PALD1: variants seen among roughly 807,000 people sequenced by gnomAD.
PALD1 encodes the protein phosphatase domain containing paladin 1.
A neutral mutation model predicts 96.0 loss-of-function variants in PALD1; 57 were observed. The observed-to-expected ratio is 0.59, with a 90% CI of 0.48 to 0.74. The LOEUF is 0.74. PALD1 is among the 30% of genes least tolerant of loss of function. The pLI is 0.00. For missense variants in PALD1, 1,063 were observed against 1,143.7 expected (o/e 0.93, Z 1.02); for synonymous variants, 464 against 473.6 (o/e 0.98, Z 0.26).
At chr10:70,543,494 G>T (rs1847296291) in intron 17 of PALD1, among the ~76,000 whole-genome samples, 1 of 152,098 alleles carries the variant, frequency 6.6e-6, no homozygotes, top group African/African-American at 2.4e-5. Context: ...TTTATCCTAA[G>T]ACTTTTATAG....
chr10:70,508,814 T>TGTGC (rs1846450177), intron 1 of PALD1, among the ~76,000 whole-genome samples: 1 of 91,628 alleles, frequency 1.1e-5, no homozygotes, highest in South Asian at 3.2e-4. Context: ...TGTGTGTGTG[T>TGTGC]GTGTGCAGGC....
chr10:70,545,548 A>C (rs1847344862), intron 17 of PALD1, among the ~76,000 whole-genome samples: 2 of 151,960 alleles, frequency 1.3e-5, no homozygotes, highest in South Asian at 4.2e-4. Flanking sequence ...AGTAACCTAA[A>C]CAGGCTTCAG....
At chr10:70,493,767 G>A (rs939759053) in intron 1 of PALD1, among the ~76,000 whole-genome samples, 11 of 152,162 alleles carry the variant, frequency 7.2e-5, no homozygotes, top group African/African-American at 2.4e-4. Context: ...GATGCACGGC[G>A]AGCCATGTCC....
At position 70,539,458 on chromosome 10, in the gene PALD1, T is replaced by C; in HGVS notation, c.1726-122T>C. 9.4e-7 allele frequency: 1 copy of C among 1,067,974 alleles called. No individual in the cohort carries two copies. Among genetic ancestry groups the C allele is most frequent in the Non-Finnish European group, 1.3e-6 (1 of 760,642 alleles). 66.2% of individuals were successfully genotyped at this position (1,067,974 alleles called of 1,614,324 possible). On this transcript the variant is annotated intron_variant, in intron 14 of 19. Transcript: ENST00000263563. The surrounding 1 kb of genome is among the most constrained non-coding windows in gnomAD (Gnocchi z 4.5). ...GGGGGTGGCTGTGACCCCTGAGGCT[T>C]GGGGGGGTCAGGGATGGGACTGGAA... is the stretch of plus-strand genomic sequence containing the variant.
At chr10:70,459,816 C>T in the PALD1 span, among the ~76,000 whole-genome samples, 1 of 152,128 alleles carries the variant, frequency 6.6e-6, no homozygotes. Flanking sequence ...ACGTACTCCC[C>T]CTCAGCCACC....
rs1317652294 is a variant in PALD1, at chr10:70,566,975, CTGGAG to C, written c.*245_*249del. 1.2e-5 allele frequency: 6 copies of C among 515,628 alleles called. No homozygotes were observed. The highest frequency in any genetic ancestry group is 2.1e-5 in the Non-Finnish European group (6 of 292,092). The allele number at this position is 515,628 out of a possible 1,614,324, so 31.9% of individuals were successfully genotyped here. ...GCTGACCTCCAGGGAGGAGCACTCA[CTGGAG>C]TGCTCACAAGGTGCACACTGCTGTG... is the stretch of plus-strand genomic sequence containing the variant. On this transcript the variant is annotated 3_prime_UTR_variant, in exon 20 of 20. Coordinates refer to ENST00000263563, the MANE Select transcript of PALD1 (RefSeq NM_014431.3).
chr10:70,533,701 C>T (rs1847045848), intron 7 of PALD1, among the ~76,000 whole-genome samples: 1 of 152,238 alleles, frequency 6.6e-6, no homozygotes, highest in African/African-American at 2.4e-5. Flanking sequence ...CTCTGAGTCG[C>T]TCTCACTTCC....
intron 1 of PALD1, among the ~76,000 whole-genome samples, chr10:70,515,630 G>C (rs1361904508): frequency 6.6e-6 from 1 of 152,208 alleles, no homozygotes; most frequent in Non-Finnish European, 1.5e-5. Flanking sequence ...CAGATGAGGA[G>C]TTGGAGCCCT....
chr10:70,476,931 A>G (rs994281997), upstream of PALD1, among the ~76,000 whole-genome samples: 3 of 151,846 alleles, frequency 2.0e-5, no homozygotes, highest in African/African-American at 7.3e-5. Flanking sequence ...TGTATGTGCT[A>G]TGTTTCTGTA....
At position 70,564,348 on chromosome 10, in the gene PALD1, C is replaced by T. The variant is rs372761625; in HGVS notation, c.2263-16C>T. 1 of 1,608,164 alleles carries T rather than the reference C, an allele frequency of 6.2e-7. No individual in the cohort carries two copies. The highest frequency in any genetic ancestry group is 8.5e-7 in the Non-Finnish European group (1 of 1,177,158). On this transcript the variant is annotated splice_polypyrimidine_tract_variant and intron_variant, in intron 18 of 19. Transcript: ENST00000263563. ...CGGATCCCCCCACACTGACCCCACCCTGTCCTGTCCTCCAGGCGAAGGCAG... is the reference window on the plus strand; with the variant it reads ...CGGATCCCCCCACACTGACCCCACCTTGTCCTGTCCTCCAGGCGAAGGCAG...
intron 1 of PALD1, among the ~76,000 whole-genome samples, chr10:70,483,281 G>A (rs911669580): frequency 6.6e-6 from 1 of 152,162 alleles, no homozygotes; most frequent in Non-Finnish European, 1.5e-5. Context: ...GAAGCGTTTT[G>A]TGTATTTCCC....
intron 18 of PALD1, among the ~76,000 whole-genome samples, chr10:70,562,073 G>A (rs2132446458): frequency 6.6e-6 from 1 of 152,342 alleles, no homozygotes; most frequent in East Asian, 1.9e-4. Flanking sequence ...TTTCTGTGGT[G>A]CACACGTGCC....
In PALD1 at chr10:70,530,086, C is replaced by T. The variant is rs754517859; in HGVS notation, c.468+18C>T. On this transcript the variant is annotated intron_variant, in intron 4 of 19. Transcript: ENST00000263563. ...GACATAGGGTAAGTATGCCACTTCC[C>T]AGGCAGAAGCCAGGTCCCCAAAGCC... is the stretch of plus-strand genomic sequence containing the variant. The T allele has an allele frequency of 2.7e-6, 4 of 1,490,156 alleles. No individual in the cohort carries two copies. The highest frequency in any genetic ancestry group is 1.4e-5 in the South Asian group (1 of 73,070). The allele number at this position is 1,490,156 out of a possible 1,614,324, so 92.3% of individuals were successfully genotyped here. A position where few individuals can be genotyped will look rare whatever the true frequency, so the allele number is the denominator to read the frequency against.
chr10:70,509,867 G>T (rs1846477926), intron 1 of PALD1, among the ~76,000 whole-genome samples: 1 of 152,218 alleles, frequency 6.6e-6, no homozygotes. Context: ...CTGGCTGTTG[G>T]ACACACAGGG....
In PALD1 at chr10:70,564,611, G is replaced by C. The variant is rs1203914218; in HGVS notation, c.2418+92G>C. ...CACTCAGTGCCTGTACATGGCCTGC[G>C]GGGACCCCGTGACAGGCGGGAAGAG... On this transcript the variant is annotated intron_variant, in intron 19 of 19. Coordinates refer to ENST00000263563, the MANE Select transcript of PALD1 (RefSeq NM_014431.3). 3 of 1,262,758 alleles carry C rather than the reference G, an allele frequency of 2.4e-6. No individual in the cohort carries two copies. The Admixed American group carries it at 6.3e-5, about 27-fold the overall frequency. 78.2% of individuals were successfully genotyped at this position (1,262,758 alleles called of 1,614,324 possible).
chr10:70,566,503 C>T (rs1847856409), intron 19 of PALD1, 78 bp from the exon 20 acceptor site: 2 of 1,092,592 alleles, frequency 1.8e-6, no homozygotes, highest in African/African-American at 3.1e-5. Flanking sequence ...AGGCCACAGA[C>T]TCATCTTCAG....
At chr10:70,533,642 T>A (rs981641902) in intron 7 of PALD1, among the ~76,000 whole-genome samples, 3 of 152,244 alleles carry the variant, frequency 2.0e-5, no homozygotes, top group Non-Finnish European at 4.4e-5. Context: ...CAGGGCATTA[T>A]CTTATTTCAC....
chr10:70,479,634 T>C (rs1443000509), intron 1 of PALD1, among the ~76,000 whole-genome samples: 1 of 152,174 alleles, frequency 6.6e-6, no homozygotes, highest in East Asian at 1.9e-4. Flanking sequence ...GAGTGGCCTA[T>C]GGGAGACCCG....
chr10:70,527,122 G>A lies in PALD1; in HGVS notation c.185+986G>A, dbSNP rs1429472351. Among the ~76,000 whole-genome samples the A allele has an allele frequency of 2.0e-5, 3 of 152,364 alleles. No individual in the cohort carries two copies. In the East Asian group the frequency reaches 5.8e-4, roughly 29 times the overall value. On this transcript the variant is annotated intron_variant, in intron 2 of 19. Coordinates refer to ENST00000263563, the MANE Select transcript of PALD1 (RefSeq NM_014431.3). ...AATGACAAAGGTGGGTTTGGGGCCTGAAGGTAGCACGAAGACTCGTGCCCC... is the reference window on the plus strand; with the variant it reads ...AATGACAAAGGTGGGTTTGGGGCCTAAAGGTAGCACGAAGACTCGTGCCCC...
Sources: gnomAD v4.1 joint callset for allele counts (sites outside exome capture counted in the v4.1 genomes callset) on GRCh38, gnomAD v4.1.1 for gene constraint, Gnocchi (gnomAD v3.1) non-coding constraint, MANE v1.5 for transcripts, NCBI Gene and HGNC (gene_info 2026-07-23, HGNC 2026-07-21) for gene names.